SHISA9: variants seen among roughly 807,000 people sequenced by gnomAD.
SHISA9 encodes protein shisa-9.
A neutral mutation model predicts 38.0 loss-of-function variants in SHISA9; 13 were observed. The ratio of observed to expected loss-of-function variants is 0.34; its 90% CI spans 0.22 to 0.54. The LOEUF is 0.54. Among genes scored for constraint, SHISA9 ranks in the 20% least tolerant of loss-of-function variants. SHISA9 has a pLI of 0.91. For synonymous variants in SHISA9, 275 were observed against 242.0 expected (o/e 1.14, Z -1.27); for missense variants, 538 against 575.8 (o/e 0.93, Z 0.67).
At chr16:13,110,963 TACAAGA>T in intron 2 of SHISA9, among the ~76,000 whole-genome samples, 1 of 152,122 alleles carries the variant, frequency 6.6e-6, no homozygotes, top group East Asian at 1.9e-4. Context: ...AACTCAGACA[TACAAGA>T]GATGTGAAAC....
chr16:13,449,379 C>T, the SHISA9 span, among the ~76,000 whole-genome samples: 1 of 152,288 alleles, frequency 6.6e-6, no homozygotes, highest in African/African-American at 2.4e-5. Flanking sequence ...TCTTTCTATA[C>T]ATTAGAAAAG....
the SHISA9 span, among the ~76,000 whole-genome samples, chr16:13,332,166 G>A: frequency 6.6e-6 from 1 of 152,196 alleles, no homozygotes; most frequent in Non-Finnish European, 1.5e-5. Flanking sequence ...TACTGGAGAA[G>A]ACAGGCCTGT....
At chr16:13,281,992 C>T in the SHISA9 span, among the ~76,000 whole-genome samples, 1 of 151,440 alleles carries the variant, frequency 6.6e-6, no homozygotes, top group Non-Finnish European at 1.5e-5. Flanking sequence ...TCAGTCAGTG[C>T]TAAGAGATGT....
chr16:13,027,350 G>C (rs899473005), intron 2 of SHISA9, among the ~76,000 whole-genome samples: 1 of 152,150 alleles, frequency 6.6e-6, no homozygotes, highest in Non-Finnish European at 1.5e-5. Flanking sequence ...GCTAGTTAGA[G>C]GTGCCCCAAA....
At chr16:13,314,842 T>C in the SHISA9 span, among the ~76,000 whole-genome samples, 2 of 151,858 alleles carry the variant, frequency 1.3e-5, no homozygotes, top group Admixed American at 1.3e-4. Context: ...AAATGGGGAG[T>C]TGTTCAATTG....
chr16:13,020,695 G>A lies in SHISA9; in HGVS notation c.691+103880G>A, dbSNP rs555239423. Among the ~76,000 whole-genome samples, 359 of 152,246 alleles carry A rather than the reference G, an allele frequency of 2.4e-3. 1 individual carries two copies. Among genetic ancestry groups the A allele is most frequent in the African/African-American group, 8.0e-3 (332 of 41,528 alleles). ...CTCAAGATGTATTGAGAAGGACCTC[G>A]TCTCTGCGTATCCTTTGTATCTCCA... is the stretch of plus-strand genomic sequence containing the variant. On this transcript the variant is annotated intron_variant, in intron 2 of 4. Coordinates refer to ENST00000558583, the MANE Select transcript of SHISA9 (RefSeq NM_001145204.3).
chr16:13,520,376 G>T, the SHISA9 span, among the ~76,000 whole-genome samples: 1 of 151,938 alleles, frequency 6.6e-6, no homozygotes, highest in Non-Finnish European at 1.5e-5. Context: ...AAGGCGGGCA[G>T]ATCACGAGGT....
chr16:13,289,105 G>T, the SHISA9 span, among the ~76,000 whole-genome samples: 1 of 152,288 alleles, frequency 6.6e-6, no homozygotes, highest in African/African-American at 2.4e-5. Flanking sequence ...GGAAGAGGAA[G>T]ACTGAAATGT....
chr16:13,112,682 G>A (rs1433130385), intron 2 of SHISA9, among the ~76,000 whole-genome samples: 1 of 151,956 alleles, frequency 6.6e-6, no homozygotes, highest in Non-Finnish European at 1.5e-5. Context: ...TCTGGTTTGT[G>A]AGTGGCTTCA....
chr16:13,368,664 G>GA, the SHISA9 span, among the ~76,000 whole-genome samples: 1 of 147,690 alleles, frequency 6.8e-6, no homozygotes, highest in Non-Finnish European at 1.5e-5. Context: ...TTGGAGGGTA[G>GA]AAAAAAACAG....
chr16:13,459,519 G>T, the SHISA9 span, among the ~76,000 whole-genome samples: 1 of 152,114 alleles, frequency 6.6e-6, no homozygotes, highest in African/African-American at 2.4e-5. Flanking sequence ...TTATTTTTCA[G>T]GGGGACCTTA....
chr16:12,949,646 TA>T (rs1470890832), intron 2 of SHISA9, among the ~76,000 whole-genome samples: 2 of 152,254 alleles, frequency 1.3e-5, no homozygotes, highest in African/African-American at 4.8e-5. Flanking sequence ...CTTACATGTC[TA>T]ATGTGATAAT....
At chr16:13,027,094 C>T (rs1014455398) in intron 2 of SHISA9, among the ~76,000 whole-genome samples, 14 of 152,324 alleles carry the variant, frequency 9.2e-5, no homozygotes, top group African/African-American at 2.9e-4. Flanking sequence ...TACTGAACAA[C>T]GAAAACTTTG....
the SHISA9 span, among the ~76,000 whole-genome samples, chr16:13,287,561 G>A: frequency 6.6e-6 from 1 of 152,148 alleles, no homozygotes; most frequent in Admixed American, 6.5e-5. Context: ...ATTGTAAGTC[G>A]ATCCACATGG....
intron 2 of SHISA9, among the ~76,000 whole-genome samples, chr16:13,039,160 C>T (rs1040626404): frequency 3.9e-5 from 6 of 152,154 alleles, no homozygotes; most frequent in East Asian, 1.9e-4. Context: ...CCACCTGCCT[C>T]GGCCTCCCAA....
At chr16:13,503,175 GTTGATGTGTTTAAGAAT>G in the SHISA9 span, among the ~76,000 whole-genome samples, 1 of 152,180 alleles carries the variant, frequency 6.6e-6, no homozygotes, top group African/African-American at 2.4e-5. Flanking sequence ...TCAGGAAAAG[GTTGATGTGTTTAAGAAT>G]CTCTAAGGAG....
the SHISA9 span, chr16:13,350,188 C>G: frequency 6.6e-6 from 1 of 152,270 alleles, no homozygotes; most frequent in Non-Finnish European, 1.5e-5. Context: ...AGAGCTGGAA[C>G]ACCCTTCTTC....
intron 4 of SHISA9, among the ~76,000 whole-genome samples, chr16:13,227,021 G>A (rs1041041365): frequency 9.2e-5 from 14 of 152,254 alleles, no homozygotes; most frequent in African/African-American, 1.7e-4. Context: ...ATTCCCTCAC[G>A]TGGGTTGCTC....
chr16:13,551,403 G>T, the SHISA9 span, among the ~76,000 whole-genome samples: 1 of 152,150 alleles, frequency 6.6e-6, no homozygotes, highest in Non-Finnish European at 1.5e-5. Context: ...CTTTGGATTT[G>T]TGTTTGTAAG....
Sources: allele counts gnomAD v4.1 joint callset (sites outside exome capture counted in the v4.1 genomes callset), GRCh38; gene constraint gnomAD v4.1.1; transcripts MANE v1.5; gene names NCBI Gene and HGNC (gene_info 2026-07-23, HGNC 2026-07-21).